The following VANGL1 variants were observed in gnomAD, a reference collection of about 807,000 sequenced individuals.
VANGL1 encodes the protein VANGL planar cell polarity protein 1.
In VANGL1, 18 loss-of-function variants were observed where a neutral mutation model predicts 48.4. That is an observed-to-expected ratio of 0.37 (90% CI 0.26 to 0.55). VANGL1 has a LOEUF of 0.55. Ranked by LOEUF, VANGL1 falls within the 20% of genes least tolerant of loss-of-function variation. The pLI is 0.81. For synonymous variants in VANGL1, 257 were observed against 261.8 expected (o/e 0.98, Z 0.18); for missense variants, 667 against 675.8 (o/e 0.99, Z 0.14).
intron 1 of VANGL1, among the ~76,000 whole-genome samples, chr1:115,645,792 A>G (rs566159156): frequency 3.9e-5 from 6 of 152,360 alleles, no homozygotes; most frequent in Admixed American, 3.9e-4. Context: ...TCAGAATAAT[A>G]TACACAGCAT....
intron 1 of VANGL1, among the ~76,000 whole-genome samples, chr1:115,647,058 A>G (rs1651968458): frequency 1.3e-5 from 2 of 152,208 alleles, no homozygotes; most frequent in South Asian, 2.1e-4. Flanking sequence ...TGCATACCAA[A>G]TGAAAGATTT....
chr1:115,679,764 AT>A (rs2101024215), intron 4 of VANGL1, among the ~76,000 whole-genome samples: 1 of 152,284 alleles, frequency 6.6e-6, no homozygotes, highest in East Asian at 1.9e-4. Flanking sequence ...TTGCTTTTTA[AT>A]TTTTAAATTT....
intron 2 of VANGL1, among the ~76,000 whole-genome samples, chr1:115,654,147 GT>G (rs1268300730): frequency 6.6e-6 from 1 of 152,164 alleles, no homozygotes; most frequent in Admixed American, 6.5e-5. Context: ...TCAGAGGTTT[GT>G]TGGGAACTTG....
At chr1:115,689,815 G>T (rs1412895656) in intron 7 of VANGL1, among the ~76,000 whole-genome samples, 2 of 137,164 alleles carry the variant, frequency 1.5e-5, no homozygotes, top group Admixed American at 7.5e-5. Context: ...AATTAGCCAG[G>T]TGTGGTGACA....
In VANGL1 at chr1:115,692,973, G is replaced by A. The variant is rs1449598122; in HGVS notation, c.*1594G>A. ...TTACTGCTTCATACACTCCACAAGT[G>A]GTACAGTATTTTGTGTCATTGTAAA... is the stretch of plus-strand genomic sequence containing the variant. On this transcript the variant is annotated 3_prime_UTR_variant, in exon 8 of 8. Coordinates refer to ENST00000355485, the MANE Select transcript of VANGL1 (RefSeq NM_138959.3). The A allele has an allele frequency of 1.3e-5, 2 of 152,176 alleles. No homozygotes were observed. Among genetic ancestry groups the A allele is most frequent in the South Asian group, 2.1e-4 (1 of 4,828 alleles). The allele number at this position is 152,176 out of a possible 1,614,324, so 9.4% of individuals were successfully genotyped here. A position where few individuals can be genotyped will look rare whatever the true frequency, so the allele number is the denominator to read the frequency against.
At chr1:115,670,453 A>G (rs1361252786) in intron 4 of VANGL1, among the ~76,000 whole-genome samples, 1 of 152,046 alleles carries the variant, frequency 6.6e-6, no homozygotes, top group Non-Finnish European at 1.5e-5. Context: ...TTGCACTTTG[A>G]TTTTCTAGTT....
chr1:115,671,641 A>G (rs532777071), intron 4 of VANGL1, among the ~76,000 whole-genome samples: 1 of 152,164 alleles, frequency 6.6e-6, no homozygotes, highest in South Asian at 2.1e-4. Flanking sequence ...ACTGTAATTT[A>G]AGACGTGGAG....
chr1:115,662,838 G>A (rs1349830361), intron 3 of VANGL1, among the ~76,000 whole-genome samples: 3 of 150,634 alleles, frequency 2.0e-5, no homozygotes, highest in African/African-American at 2.5e-5. Flanking sequence ...CCAGGCTGGA[G>A]TACAGTGGCA....
rs1044614430 is a variant in VANGL1 at position 115,662,501 on chromosome 1, A to G, written c.205-1160A>G. Among the ~76,000 whole-genome samples, 4 of 152,308 alleles carry G rather than the reference A, an allele frequency of 2.6e-5. 1 individual carries two copies. In the East Asian group the frequency reaches 7.7e-4, roughly 29 times the overall value. On this transcript the variant is annotated intron_variant, in intron 3 of 7. Coordinates refer to ENST00000355485, the MANE Select transcript of VANGL1 (RefSeq NM_138959.3). ...CAACAAAATCCTTTAAAATTCTATC[A>G]ACTGGGTTTTGCTAAGTGAATAGAC... is the stretch of plus-strand genomic sequence containing the variant.
chr1:115,673,156 C>T (rs137929323), intron 4 of VANGL1, among the ~76,000 whole-genome samples: 208 of 152,266 alleles, frequency 1.4e-3, no homozygotes, highest in Non-Finnish European at 2.4e-3. Context: ...AATGAGTGGC[C>T]TTAGTGCCTG....
chr1:115,668,296 C>T (rs1001090986), intron 4 of VANGL1, among the ~76,000 whole-genome samples: 2 of 152,180 alleles, frequency 1.3e-5, no homozygotes, highest in African/African-American at 2.4e-5. Context: ...GTGCCAGCCT[C>T]GGTGCCAGAT....
At chr1:115,682,570 G>A (rs561705039) in intron 5 of VANGL1, 73 bp downstream of exon 5, 13 of 1,610,336 alleles carry the variant, frequency 8.1e-6, no homozygotes, top group South Asian at 3.3e-5. Flanking sequence ...TTCATGGTAC[G>A]TTTGGTTCGA....
intron 2 of VANGL1, among the ~76,000 whole-genome samples, chr1:115,658,274 T>C (rs753107990): frequency 3.9e-5 from 6 of 152,178 alleles, no homozygotes; most frequent in Non-Finnish European, 8.8e-5. Flanking sequence ...TTAAGCTAAG[T>C]AGTAGGTTAA....
intron 4 of VANGL1, among the ~76,000 whole-genome samples, chr1:115,672,979 G>A (rs953123128): frequency 6.6e-6 from 1 of 152,182 alleles, no homozygotes; most frequent in Non-Finnish European, 1.5e-5. Context: ...CTGGGAAGCA[G>A]CAGGTGGGTA....
intron 1 of VANGL1, 147 bp from the exon 2 acceptor site, chr1:115,651,130 A>G: frequency 2.3e-6 from 1 of 430,958 alleles, no homozygotes; most frequent in African/African-American, 2.0e-5. Context: ...GCATGGGTGG[A>G]GCATTTACAG....
At chr1:115,690,037 T>C (rs1332322596) in intron 7 of VANGL1, among the ~76,000 whole-genome samples, 1 of 139,274 alleles carries the variant, frequency 7.2e-6, no homozygotes, top group African/African-American at 2.7e-5. Flanking sequence ...TACTGGCTCA[T>C]TTCATTCTTC....
At chr1:115,657,444 T>C (rs765528054) in intron 2 of VANGL1, among the ~76,000 whole-genome samples, 1 of 152,190 alleles carries the variant, frequency 6.6e-6, no homozygotes, top group Non-Finnish European at 1.5e-5. Context: ...TCAGTTTCCT[T>C]GTCTGTAGAA....
chr1:115,654,272 A>G (rs547885113), intron 2 of VANGL1, among the ~76,000 whole-genome samples: 7 of 152,074 alleles, frequency 4.6e-5, no homozygotes, highest in African/African-American at 1.7e-4. Flanking sequence ...GATATGCCTG[A>G]TGACACCATG....
chr1:115,691,224 G>T lies in VANGL1; in HGVS notation c.1420G>T (p.Gly474Ter). ...TGTCAGTGATGAGGCTGTGACTAAT[G>T]GATTACGGGATGGAATTGTGTTCGT... is the stretch of plus-strand genomic sequence containing the variant. ...RLVSDEAVTNGLRDGIVFVLK... is the reference protein window; with the variant it reads ...RLVSDEAVTN Residue 474 changes from glycine to a stop codon, truncating the protein, a stop_gained, in exon 8 of 8, where the codon GGA becomes TGA. Transcript: ENST00000355485. LOFTEE classifies it high-confidence loss of function. 1.9e-6 allele frequency: 3 copies of T among 1,614,074 alleles called. No individual in the cohort carries two copies. Among genetic ancestry groups the T allele is most frequent in the Non-Finnish European group, 1.7e-6 (2 of 1,180,006 alleles).
Sources: gnomAD v4.1 joint callset for allele counts (sites outside exome capture counted in the v4.1 genomes callset) on GRCh38, gnomAD v4.1.1 for gene constraint, MANE v1.5 for transcripts, NCBI Gene and HGNC (gene_info 2026-07-23, HGNC 2026-07-21) for gene names.